C10orf90: variants seen among roughly 807,000 people sequenced by gnomAD.
The protein encoded by C10orf90 is chromosome 10 open reading frame 90.
C10orf90 carries 56 observed loss-of-function variants against 62.5 expected under a neutral mutation model. The observed-to-expected ratio is 0.90, with a 90% CI of 0.72 to 1.12. The LOEUF (loss-of-function observed/expected upper bound fraction) is 1.12, where lower values mean the gene tolerates loss of function less well. C10orf90 is among the 50% of genes most tolerant of loss of function. C10orf90 has a pLI of 0.00. For synonymous variants in C10orf90, 386 were observed against 340.4 expected (o/e 1.13, Z -1.47); for missense variants, 970 against 880.4 (o/e 1.10, Z -1.29).
chr10:126,515,221 G>A (rs1196889120), intron 2 of C10orf90, among the ~76,000 whole-genome samples: 1 of 152,196 alleles, frequency 6.6e-6, no homozygotes, highest in African/African-American at 2.4e-5. Context: ...TCAGAACGTT[G>A]TAGTATAATT....
At chr10:126,598,229 C>T (rs1033864244) in intron 2 of C10orf90, among the ~76,000 whole-genome samples, 13 of 152,260 alleles carry the variant, frequency 8.5e-5, no homozygotes, top group Non-Finnish European at 2.9e-5. Flanking sequence ...CAGGATGCTG[C>T]GCACTACCCA....
intron 2 of C10orf90, among the ~76,000 whole-genome samples, chr10:126,544,612 G>A (rs1224228436): frequency 2.0e-5 from 3 of 151,882 alleles, no homozygotes; most frequent in African/African-American, 7.3e-5. Flanking sequence ...CTTTGTTGGT[G>A]GAGATTTTAG....
At chr10:126,633,236 C>T (rs564685079) in intron 2 of C10orf90, among the ~76,000 whole-genome samples, 60 of 152,346 alleles carry the variant, frequency 3.9e-4, no homozygotes, top group African/African-American at 1.4e-3. Flanking sequence ...AGGAATTTTG[C>T]TGATGGGCAA....
At chr10:126,464,272 C>T (rs971163598) in intron 5 of C10orf90, among the ~76,000 whole-genome samples, 3 of 152,160 alleles carry the variant, frequency 2.0e-5, no homozygotes, top group East Asian at 1.9e-4. Context: ...GCTTGTTAAG[C>T]GCTGGGGACC....
chr10:126,623,067 G>A (rs1452357954), intron 2 of C10orf90, among the ~76,000 whole-genome samples: 1 of 152,140 alleles, frequency 6.6e-6, no homozygotes, highest in Admixed American at 6.5e-5. Flanking sequence ...CTCGGGCCCC[G>A]ACCCTGCCTG....
intron 4 of C10orf90, among the ~76,000 whole-genome samples, chr10:126,468,637 A>G (rs1380042123): frequency 6.6e-6 from 1 of 152,178 alleles, no homozygotes; most frequent in African/African-American, 2.4e-5. Context: ...TCCTGACCTC[A>G]CCAAGTTCAA....
In C10orf90 at chr10:126,623,656, A is replaced by G. The variant is rs1324074461; in HGVS notation, c.313+22909T>C. On this transcript the variant is annotated intron_variant, in intron 2 of 9. Coordinates refer to ENST00000488181, the MANE Select transcript of C10orf90 (RefSeq NM_001350921.2). Reference sequence around the variant, plus strand: ...TAGGAATTTGAGACCAGCCTGGCCAACATGGTGAAATCCCATCTCTATTAA... The same window carrying G: ...TAGGAATTTGAGACCAGCCTGGCCAGCATGGTGAAATCCCATCTCTATTAA... Among the ~76,000 whole-genome samples, 9 of 151,992 alleles carry G rather than the reference A, an allele frequency of 5.9e-5. No individual in the cohort carries two copies. The East Asian group carries it at 1.8e-3, about 30-fold the overall frequency.
rs370271211 is a variant in C10orf90 at position 126,607,112 on chromosome 10, A to G, written c.313+39453T>C. Among the ~76,000 whole-genome samples the G allele has an allele frequency of 5.3e-5, 8 of 152,290 alleles. No homozygotes were observed. The South Asian group carries it at 1.2e-3, about 24-fold the overall frequency. ...CATGATGGGTGAAGCAGCTGGCTCC[A>G]TAACATGAATGAAGGCAGGGGCGCC... On this transcript the variant is annotated intron_variant, in intron 2 of 9. Transcript: ENST00000488181.
chr10:126,487,161 AAAAAAAAG>A (rs1228831410), intron 4 of C10orf90, among the ~76,000 whole-genome samples: 3 of 150,114 alleles, frequency 2.0e-5, no homozygotes, highest in Non-Finnish European at 3.0e-5. Context: ...AAAAAAAAAA[AAAAAAAAG>A]AAAGAAAGAA....
At chr10:126,611,976 T>TA (rs1845443587) in intron 2 of C10orf90, among the ~76,000 whole-genome samples, 1 of 152,212 alleles carries the variant, frequency 6.6e-6, no homozygotes, top group East Asian at 1.9e-4. Context: ...AAATTTTAAT[T>TA]AAAATGAAAT....
chr10:126,461,338 C>A (rs998655488), intron 6 of C10orf90, 63 bp downstream of exon 6: 3 of 1,566,312 alleles, frequency 1.9e-6, no homozygotes, highest in East Asian at 4.5e-5. Context: ...TGTGTGCTCA[C>A]GGACTCCCTA....
intron 1 of C10orf90, among the ~76,000 whole-genome samples, chr10:126,654,906 G>T (rs1029434464): frequency 2.6e-5 from 4 of 152,164 alleles, no homozygotes; most frequent in Admixed American, 2.0e-4. Flanking sequence ...TGTAGCTCAG[G>T]AAATAGGTAG....
Position 126,429,783 on chromosome 10 carries a change from G to A in C10orf90, c.2252+4C>T. 1 of 1,613,726 alleles carries A rather than the reference G, an allele frequency of 6.2e-7. No individual in the cohort carries two copies. The highest frequency in any genetic ancestry group is 8.5e-7 in the Non-Finnish European group (1 of 1,179,750). ...TCTTTGCACACCATACAATAACCAA[G>A]TACCTCTTAGATCGCATATGCATCT... On this transcript the variant is annotated splice_donor_region_variant and intron_variant, in intron 8 of 9. Transcript: ENST00000488181.
intron 2 of C10orf90, among the ~76,000 whole-genome samples, chr10:126,527,856 T>C (rs111424373): frequency 7.5e-4 from 114 of 152,340 alleles, no homozygotes; most frequent in African/African-American, 2.4e-3. Flanking sequence ...GGCCAGGCAT[T>C]GGTCCAGGTA....
chr10:126,630,094 C>T (rs115585716), intron 2 of C10orf90, among the ~76,000 whole-genome samples: 1,969 of 152,290 alleles, frequency 0.013, 36 homozygotes, highest in African/African-American at 0.043. Context: ...GCATGCAAGG[C>T]CTGGTGCCGG....
At chr10:126,590,127 C>T (rs1311887427) in intron 2 of C10orf90, among the ~76,000 whole-genome samples, 1 of 152,066 alleles carries the variant, frequency 6.6e-6, no homozygotes, top group Non-Finnish European at 1.5e-5. Flanking sequence ...AAGTGTTCAA[C>T]AAGAAGAGCT....
chr10:126,650,960 G>A (rs1196619304), intron 1 of C10orf90, among the ~76,000 whole-genome samples: 1 of 152,136 alleles, frequency 6.6e-6, no homozygotes, highest in Admixed American at 6.5e-5. Context: ...GTCAAGCCTG[G>A]TATCTGCTAA....
Position 126,504,758 on chromosome 10 carries a change from C to T in C10orf90, c.733G>A (p.Gly245Ser), listed in dbSNP as rs774093912. 1.3e-6 allele frequency: 2 copies of T among 1,589,446 alleles called. No homozygotes were observed. Among genetic ancestry groups the T allele is most frequent in the South Asian group, 2.3e-5 (2 of 86,782 alleles). Reference sequence around the variant, plus strand: ...CACACCAGGGCGCGGGCTGGGGGGCCCACGCGTCTGGCCGTGATGGTGATG... The same window carrying T: ...CACACCAGGGCGCGGGCTGGGGGGCTCACGCGTCTGGCCGTGATGGTGATG... The part of the protein sequence containing the change: ...ASITITARRV[G>S]PPARALVWGT... Residue 245 changes from glycine (G) to serine (S), a missense_variant, in exon 4 of 10, where the codon GGC (glycine) becomes AGC (serine). Transcript: ENST00000488181. This position sits in a 1 kb window ranked among gnomAD's most constrained non-coding sequence, Gnocchi z 4.1.
intron 2 of C10orf90, among the ~76,000 whole-genome samples, chr10:126,576,683 A>C (rs879500608): frequency 0.15 from 5,268 of 35,960 alleles, 1,099 homozygotes; most frequent in African/African-American, 0.26. Flanking sequence ...GTATACATAT[A>C]CATATACATG....
Sources: allele counts gnomAD v4.1 joint callset (sites outside exome capture counted in the v4.1 genomes callset), GRCh38; gene constraint gnomAD v4.1.1; non-coding constraint Gnocchi (gnomAD v3.1); transcripts MANE v1.5; gene names NCBI Gene and HGNC (gene_info 2026-07-23, HGNC 2026-07-21).